The following LARP4B variants were observed in gnomAD, a reference collection of about 807,000 sequenced individuals.
LARP4B encodes the protein la-related protein 4B.
In LARP4B, 12 loss-of-function variants were observed where a neutral mutation model predicts 89.8. The observed-to-expected ratio is 0.13, with a 90% CI of 0.09 to 0.22. The LOEUF (loss-of-function observed/expected upper bound fraction) is 0.22, where lower values mean the gene tolerates loss of function less well. Ranked by LOEUF, LARP4B falls within the 10% of genes least tolerant of loss-of-function variation. The pLI is 1.00. For synonymous variants in LARP4B, 367 were observed against 363.3 expected (o/e 1.01, Z -0.12); for missense variants, 757 against 947.7 (o/e 0.80, Z 2.64).
intron 5 of LARP4B, among the ~76,000 whole-genome samples, chr10:847,764 C>T (rs1262854649): frequency 6.6e-6 from 1 of 152,072 alleles, no homozygotes; most frequent in Non-Finnish European, 1.5e-5. Context: ...CTCCTGCCCT[C>T]GTGATCTGCC....
chr10:856,477 T>C (rs1438580132), intron 5 of LARP4B, among the ~76,000 whole-genome samples: 1 of 152,210 alleles, frequency 6.6e-6, no homozygotes, highest in African/African-American at 2.4e-5. Context: ...AAACAACTGC[T>C]GCCAAATTGG....
chr10:867,872 A>C lies in LARP4B; in HGVS notation c.142-3602T>G, dbSNP rs541955402. On this transcript the variant is annotated intron_variant, in intron 3 of 17. Transcript: ENST00000316157. Reference sequence around the variant, plus strand: ...CAAGACTCCATCCTTGAAAAAAAAAAAAAAAAAAAAAAAACTCCAGTGTCG... The same window carrying C: ...CAAGACTCCATCCTTGAAAAAAAAACAAAAAAAAAAAAAACTCCAGTGTCG... 4.7e-4 allele frequency among the ~76,000 whole-genome samples: 71 copies of C among 151,026 alleles called. No homozygotes were observed. The South Asian group carries it at 0.012, about 26-fold the overall frequency.
intron 3 of LARP4B, among the ~76,000 whole-genome samples, chr10:882,124 T>C (rs961087469): frequency 3.9e-5 from 6 of 152,096 alleles, no homozygotes; most frequent in African/African-American, 1.4e-4. Flanking sequence ...GGGGGTTTAA[T>C]GGGGTAATGT....
At chr10:976,852 C>T in the LARP4B span, among the ~76,000 whole-genome samples, 6 of 150,170 alleles carry the variant, frequency 4.0e-5, no homozygotes, top group Non-Finnish European at 7.4e-5. Flanking sequence ...CGTGTGGACC[C>T]GGCCTAGTAG....
chr10:894,970 A>G (rs1029176965), intron 1 of LARP4B, among the ~76,000 whole-genome samples: 1 of 152,104 alleles, frequency 6.6e-6, no homozygotes, highest in African/African-American at 2.4e-5. Context: ...GGACTGCCTG[A>G]GCTCAGGAGT....
rs1297492618 is a variant in LARP4B at position 814,978 on chromosome 10, G to A, written c.1788C>T (p.Tyr596=). Residue 596 remains tyrosine, a synonymous_variant, in exon 16 of 18, where the codon TAC becomes TAT. Coordinates refer to ENST00000316157, the MANE Select transcript of LARP4B (RefSeq NM_015155.3). The surrounding 1 kb of genome is among the most constrained non-coding windows in gnomAD (Gnocchi z 4.4). Reference sequence around the variant, plus strand: ...AATGAGCTGGGGAGGGGGATCGCTCGTACGTTGCTGATACAGCACAAGAAG... The same window carrying A: ...AATGAGCTGGGGAGGGGGATCGCTCATACGTTGCTGATACAGCACAAGAAG... ...VPASCAVSAT[Y]ERSPSPAHLP... is the part of the protein sequence containing the mutation. 5.6e-6 allele frequency: 9 copies of A among 1,606,484 alleles called. No individual in the cohort carries two copies. The highest frequency in any genetic ancestry group is 2.2e-5 in the East Asian group (1 of 44,746).
rs140223312 is a variant in LARP4B, at chr10:825,170, G to A, written c.1379C>T (p.Thr460Ile). The change falls in exon 13 of 18, where the codon ACT becomes ATT. Residue 460 changes from threonine (T) to isoleucine (I), a missense_variant. Physicochemically the swap from Thr to Ile is moderately conservative, Grantham distance 89. Transcript: ENST00000316157. Reference sequence around the variant, plus strand: ...TGAAGGGTTTTGAATCCGTGTTCTAGTTTGACCTGCTTGCCTTGTTTGTGG... The same window carrying A: ...TGAAGGGTTTTGAATCCGTGTTCTAATTTGACCTGCTTGCCTTGTTTGTGG... ...RSPQTRQAGQTRTRIQNPSAY... is the reference protein window; with the variant it reads ...RSPQTRQAGQIRTRIQNPSAY... 5.6e-6 allele frequency: 9 copies of A among 1,614,054 alleles called. No individual in the cohort carries two copies. Among genetic ancestry groups the A allele is most frequent in the Admixed American group, 5.0e-5 (3 of 60,004 alleles).
At chr10:824,975 T>A in intron 13 of LARP4B, 90 bp downstream of exon 13, 2 of 1,287,834 alleles carry the variant, frequency 1.6e-6, no homozygotes, top group Non-Finnish European at 2.1e-6. Context: ...TTCTGTGACA[T>A]ATTTAAAGAC....
the LARP4B span, among the ~76,000 whole-genome samples, chr10:969,067 C>G: frequency 6.6e-6 from 1 of 152,104 alleles, no homozygotes. Flanking sequence ...CAAGTGCAGA[C>G]TGAGATAAGG....
the LARP4B span, among the ~76,000 whole-genome samples, chr10:965,251 A>G: frequency 2.0e-5 from 3 of 152,202 alleles, no homozygotes; most frequent in Non-Finnish European, 4.4e-5. Context: ...GGCGTCTCCC[A>G]CGGTGGTGCT....
At chr10:871,235 C>T (rs893554294) in intron 3 of LARP4B, among the ~76,000 whole-genome samples, 5 of 152,204 alleles carry the variant, frequency 3.3e-5, no homozygotes, top group African/African-American at 1.2e-4. Context: ...TGTTTTGTCA[C>T]CTGGGCTTGT....
intron 3 of LARP4B, among the ~76,000 whole-genome samples, chr10:883,144 A>G (rs999747942): frequency 2.0e-5 from 3 of 152,232 alleles, no homozygotes; most frequent in Admixed American, 2.0e-4. Context: ...ATTTATACTC[A>G]AGGGATATCT....
rs762355395 is a variant in LARP4B, at chr10:864,266, G to A, written c.146C>T (p.Pro49Leu). 1 of 1,613,932 alleles carries A rather than the reference G, an allele frequency of 6.2e-7. No individual in the cohort carries two copies. The highest frequency in any genetic ancestry group is 1.3e-5 in the African/African-American group (1 of 74,906). ...GTTCAGCTCTGAAACCTTAGTTGCTGGTACCTAGGAAGAAATGTAAGATAG... is the reference window on the plus strand; with the variant it reads ...GTTCAGCTCTGAAACCTTAGTTGCTAGTACCTAGGAAGAAATGTAAGATAG... ...TSSIPPLSQV[P>L]ATKVSELNPN... The change falls in exon 4 of 18, where the codon CCA becomes CTA. Residue 49 changes from proline to leucine, a missense_variant. Pro to Leu is a moderately conservative substitution (Grantham distance 98, BLOSUM62 -3). Around this residue, in one of 5 missense-constraint regions of LARP4B, gnomAD observed 175 missense variants for 187.0 expected, o/e 0.94. Coordinates refer to ENST00000316157, the MANE Select transcript of LARP4B (RefSeq NM_015155.3).
At chr10:848,988 T>C (rs574758799) in intron 5 of LARP4B, among the ~76,000 whole-genome samples, 5 of 152,282 alleles carry the variant, frequency 3.3e-5, no homozygotes, top group South Asian at 2.1e-4. Context: ...GCAAAAGGCA[T>C]GATGACCAAA....
the LARP4B span, among the ~76,000 whole-genome samples, chr10:967,352 A>G: frequency 6.6e-6 from 1 of 152,260 alleles, no homozygotes. Flanking sequence ...AAAGGAACGT[A>G]TGAAAGGAAA....
chr10:897,987 CAAAAAAAA>C (rs58452748), intron 1 of LARP4B, among the ~76,000 whole-genome samples: 4 of 25,626 alleles, frequency 1.6e-4, no homozygotes, highest in Non-Finnish European at 2.8e-4. Context: ...GGCTCCATCT[CAAAAAAAA>C]AAAAAAAAAA....
downstream of LARP4B, chr10:807,910 T>G (rs74117560): frequency 6.6e-6 from 1 of 152,262 alleles, no homozygotes; most frequent in Non-Finnish European, 1.5e-5. Flanking sequence ...AGACCAGCAG[T>G]TGACTTGGAT....
intron 8 of LARP4B, among the ~76,000 whole-genome samples, chr10:833,905 A>G (rs1833063800): frequency 6.6e-6 from 1 of 150,610 alleles, no homozygotes; most frequent in Non-Finnish European, 1.5e-5. Flanking sequence ...AAAAAAAAAA[A>G]GACAGAAATT....
intron 1 of LARP4B, among the ~76,000 whole-genome samples, chr10:889,539 C>T (rs1588967078): frequency 1.3e-5 from 2 of 152,220 alleles, no homozygotes. Context: ...TGGCCAGGAA[C>T]TGACTTCTTT....
Sources: allele counts gnomAD v4.1 joint callset (sites outside exome capture counted in the v4.1 genomes callset), GRCh38; gene constraint gnomAD v4.1.1; regional missense constraint gnomAD v4.1.1; non-coding constraint Gnocchi (gnomAD v3.1); transcripts MANE v1.5; gene names NCBI Gene and HGNC (gene_info 2026-07-23, HGNC 2026-07-21).